The following CHST7 variants were observed in gnomAD, a reference collection of about 807,000 sequenced individuals.
The protein encoded by CHST7 is N-acetylglucosamine 6-O-sulfotransferase 4.
A neutral mutation model predicts 9.0 loss-of-function variants in CHST7; 5 were observed. That is an observed-to-expected ratio of 0.56 (90% CI 0.29 to 1.17). The LOEUF is 1.17. CHST7 is among the 50% of genes most tolerant of loss of function. The pLI is 0.08. For synonymous variants in CHST7, 244 were observed against 237.1 expected (o/e 1.03, Z -0.27); for missense variants, 377 against 485.1 (o/e 0.78, Z 2.09).
chrX:46,575,528 A>G, intron 1 of CHST7, 105 bp downstream of exon 1: 1 of 665,017 alleles, frequency 1.5e-6, no homozygotes, highest in South Asian at 6.3e-5. Flanking sequence ...GCTGGATCCC[A>G]TTCTATCAGA....
chrX:46,590,700 C>T (rs980359045), intron 1 of CHST7, among the ~76,000 whole-genome samples: 4 of 111,713 alleles, frequency 3.6e-5, no homozygotes, highest in Non-Finnish European at 7.5e-5. Flanking sequence ...GCAGTTTTTA[C>T]GTGTACTCAT....
chrX:46,591,340 C>T (rs1403142073), intron 1 of CHST7, among the ~76,000 whole-genome samples: 2 of 112,311 alleles, frequency 1.8e-5, no homozygotes, highest in Admixed American at 9.4e-5. Flanking sequence ...TCTACATCTT[C>T]ACAGTATTTG....
intron 1 of CHST7, among the ~76,000 whole-genome samples, chrX:46,596,402 C>G (rs192837469): frequency 3.6e-5 from 4 of 110,540 alleles, no homozygotes; most frequent in African/African-American, 1.3e-4. Context: ...CCCTCTGAAA[C>G]ACGTGTACCT....
intron 1 of CHST7, among the ~76,000 whole-genome samples, chrX:46,579,813 C>T (rs1942516215): frequency 9.1e-6 from 1 of 110,373 alleles, no homozygotes; most frequent in African/African-American, 3.3e-5. Flanking sequence ...AGTGAGACAA[C>T]CCCCACCATC....
intron 1 of CHST7, among the ~76,000 whole-genome samples, chrX:46,597,547 T>C (rs73630231): frequency 0.056 from 6,196 of 111,338 alleles, 421 homozygotes; most frequent in African/African-American, 0.19. Flanking sequence ...GCCCCCGGAG[T>C]TTTCCCATCT....
Position 46,575,376 on chromosome X carries a change from C to T in CHST7, c.1445C>T (p.Ala482Val). 2 of 1,046,104 alleles carry T rather than the reference C, an allele frequency of 1.9e-6. No homozygotes were observed. Among genetic ancestry groups the T allele is most frequent in the African/African-American group, 1.9e-5 (1 of 51,462 alleles). 86.2% of individuals were successfully genotyped at this position (1,046,104 alleles called of 1,213,427 possible). The change falls in exon 1 of 2, where the codon GCC (alanine) becomes GTC (valine). Residue 482 changes from alanine (A) to valine (V), a missense_variant. Ala to Val is a moderately conservative substitution (Grantham distance 64). Around this residue, in one of 3 missense-constraint regions of CHST7, gnomAD observed 8 missense variants for 24.5 expected, o/e 0.33. Coordinates refer to ENST00000276055, the MANE Select transcript of CHST7 (RefSeq NM_019886.4). ...GGGGAGACGCCGCTGGAGATGGATG[C>T]CGACGGCGCCACGTAGCCTCCCATC... The part of the protein sequence containing the change: ...REGETPLEMD[A>V]DGAT
chrX:46,583,475 C>T (rs1008250222), intron 1 of CHST7, among the ~76,000 whole-genome samples: 2 of 112,013 alleles, frequency 1.8e-5, no homozygotes, highest in Admixed American at 1.9e-4. Context: ...CGCTTGGCAC[C>T]CTGGCACCAA....
At chrX:46,582,771 G>C (rs939816795) in intron 1 of CHST7, among the ~76,000 whole-genome samples, 1 of 111,209 alleles carries the variant, frequency 9.0e-6, no homozygotes, top group East Asian at 2.8e-4. Context: ...TTACTGACTC[G>C]AGCATAAACA....
intron 1 of CHST7, among the ~76,000 whole-genome samples, chrX:46,577,992 C>T (rs975677675): frequency 9.0e-6 from 1 of 111,509 alleles, no homozygotes; most frequent in African/African-American, 3.3e-5. Flanking sequence ...ATGGTCCATA[C>T]CCAATGGCCA....
intron 1 of CHST7, among the ~76,000 whole-genome samples, chrX:46,594,830 C>A (rs12012841): frequency 0.048 from 5,366 of 111,459 alleles, 329 homozygotes; most frequent in African/African-American, 0.16. Flanking sequence ...AAACTTTCAG[C>A]CATATTTCAA....
chrX:46,574,055 G>A lies in CHST7; in HGVS notation c.124G>A (p.Ala42Thr), dbSNP rs769680098. Residue 42 changes from alanine to threonine, a missense_variant, in exon 1 of 2, where the codon GCC becomes ACC. This residue lies in a region of CHST7 where 239 missense variants were observed against 325.7 expected (regional missense o/e 0.73). Coordinates refer to ENST00000276055, the MANE Select transcript of CHST7 (RefSeq NM_019886.4). ...CGGCGGCCGCGACGGGGACAAGGGC[G>A]CCGAGCACTGCCCCGGCCTGCAGCG... is the stretch of plus-strand genomic sequence containing the variant. ...LDGGRDGDKG[A>T]EHCPGLQRSL... is the part of the protein sequence containing the mutation. 2 of 1,164,928 alleles carry A rather than the reference G, an allele frequency of 1.7e-6. No individual in the cohort carries two copies. The highest frequency in any genetic ancestry group is 2.3e-6 in the Non-Finnish European group (2 of 876,062).
rs1160163340 is a variant in CHST7 at position 46,574,853 on chromosome X, G to A, written c.922G>A (p.Gly308Ser). The A allele has an allele frequency of 8.5e-7, 1 of 1,180,648 alleles. No individual in the cohort carries two copies. The highest frequency in any genetic ancestry group is 1.1e-6 in the Non-Finnish European group (1 of 880,684). Residue 308 changes from glycine (G) to serine (S), a missense_variant, in exon 1 of 2, where the codon GGC becomes AGC. Around this residue, in one of 3 missense-constraint regions of CHST7, gnomAD observed 239 missense variants for 325.7 expected, o/e 0.73. Transcript: ENST00000276055. ...SIQVLRTRQR[G>S]DRFHRVLLAH... The stretch of plus-strand genomic sequence containing the variant: ...CCAGGTGCTGCGCACCCGCCAGAGG[G>A]GCGACCGCTTCCACCGTGTGCTGCT...
intron 1 of CHST7, among the ~76,000 whole-genome samples, chrX:46,577,942 G>A (rs1054588879): frequency 6.2e-5 from 7 of 112,134 alleles, no homozygotes; most frequent in African/African-American, 2.3e-4. Context: ...GCTCAACTGA[G>A]GAGAGAGGCC....
chrX:46,588,594 G>T (rs1358691952), intron 1 of CHST7, among the ~76,000 whole-genome samples: 1 of 111,496 alleles, frequency 9.0e-6, no homozygotes, highest in African/African-American at 3.3e-5. Flanking sequence ...ATGGCAATGA[G>T]GCTATTAGTA....
Position 46,573,863 on chromosome X carries a change from A to G in CHST7, c.-69A>G, listed in dbSNP as rs888966848. The G allele has an allele frequency of 8.7e-7, 1 of 1,146,882 alleles. No homozygotes were observed. The highest frequency in any genetic ancestry group is 1.8e-5 in the African/African-American group (1 of 55,453). 94.5% of individuals were successfully genotyped at this position (1,146,882 alleles called of 1,213,427 possible). ...GGGCCGGGAGAGGCCACAGGAGCGG[A>G]CCTGGCACGGGATTTCTGAGGAACG... On this transcript the variant is annotated 5_prime_UTR_variant, in exon 1 of 2. Coordinates refer to ENST00000276055, the MANE Select transcript of CHST7 (RefSeq NM_019886.4).
intron 1 of CHST7, among the ~76,000 whole-genome samples, chrX:46,583,192 CCT>C (rs1357085008): frequency 3.6e-5 from 4 of 111,456 alleles, no homozygotes; most frequent in Non-Finnish European, 5.6e-5. Flanking sequence ...TAAATGAACC[CCT>C]CTCTTTGTGA....
At chrX:46,576,439 T>C (rs1942499975) in intron 1 of CHST7, among the ~76,000 whole-genome samples, 1 of 111,696 alleles carries the variant, frequency 9.0e-6, no homozygotes, top group Non-Finnish European at 1.9e-5. Flanking sequence ...TTTTTTGTTT[T>C]TCCATTTTTG....
chrX:46,595,973 A>C (rs1942591896), intron 1 of CHST7, among the ~76,000 whole-genome samples: 1 of 109,981 alleles, frequency 9.1e-6, no homozygotes, highest in Admixed American at 9.7e-5. Flanking sequence ...CCCTGTCTCT[A>C]CTAAAAATAC....
chrX:46,588,092 T>G (rs756208750), intron 1 of CHST7, among the ~76,000 whole-genome samples: 9 of 111,845 alleles, frequency 8.0e-5, no homozygotes, highest in Non-Finnish European at 1.1e-4. Flanking sequence ...GTGAAGTAGT[T>G]TTGGTGGTCA....
Sources: allele counts gnomAD v4.1 joint callset (sites outside exome capture counted in the v4.1 genomes callset), GRCh38; gene constraint gnomAD v4.1.1; regional missense constraint gnomAD v4.1.1; transcripts MANE v1.5; gene names NCBI Gene and HGNC (gene_info 2026-07-23, HGNC 2026-07-21).